AFTPH: variants seen among roughly 807,000 people sequenced by gnomAD.
AFTPH encodes the protein aftiphilin, also known as aftiphilin protein.
In AFTPH, 7 loss-of-function variants were observed where a neutral mutation model predicts 72.5. The observed-to-expected ratio is 0.10, with a 90% CI of 0.05 to 0.18. The LOEUF (loss-of-function observed/expected upper bound fraction) is 0.18, where lower values mean the gene tolerates loss of function less well. AFTPH is among the 10% of genes least tolerant of loss of function. The pLI, the probability that AFTPH is intolerant of heterozygous loss-of-function variation, is 1.00. For missense variants in AFTPH, 979 were observed against 1,060.5 expected (o/e 0.92, Z 1.07); for synonymous variants, 337 against 370.1 (o/e 0.91, Z 1.03).
intron 1 of AFTPH, among the ~76,000 whole-genome samples, chr2:64,526,605 C>T (rs1230897651): frequency 6.6e-6 from 1 of 152,122 alleles, no homozygotes; most frequent in Non-Finnish European, 1.5e-5. Flanking sequence ...CTAGCCGGAA[C>T]TTTATAAGTA....
intron 2 of AFTPH, among the ~76,000 whole-genome samples, 182 bp from the exon 3 acceptor site, chr2:64,567,375 TTTAAA>T (rs1179022616): frequency 6.6e-6 from 1 of 152,228 alleles, no homozygotes; most frequent in African/African-American, 2.4e-5. Context: ...ATCATCATCA[TTTAAA>T]TTAATCATTT....
At chr2:64,567,990 G>C (rs1168000993) in intron 3 of AFTPH, among the ~76,000 whole-genome samples, 1 of 151,336 alleles carries the variant, frequency 6.6e-6, no homozygotes, top group Non-Finnish European at 1.5e-5. Context: ...AGGTTGCAGT[G>C]AGCCAAGATC....
At chr2:64,578,100 C>T (rs576821394) in intron 6 of AFTPH, among the ~76,000 whole-genome samples, 2 of 152,220 alleles carry the variant, frequency 1.3e-5, no homozygotes, top group South Asian at 2.1e-4. Flanking sequence ...CAGGCTGGAC[C>T]TGATTTTTGG....
At chr2:64,577,893 A>G (rs1313539408) in intron 6 of AFTPH, among the ~76,000 whole-genome samples, 1 of 152,240 alleles carries the variant, frequency 6.6e-6, no homozygotes, top group Non-Finnish European at 1.5e-5. Context: ...TGACATTGGT[A>G]CAATATGTGT....
At chr2:64,587,950 T>A (rs932410547) in intron 8 of AFTPH, among the ~76,000 whole-genome samples, 1 of 152,240 alleles carries the variant, frequency 6.6e-6, no homozygotes, top group Non-Finnish European at 1.5e-5. Flanking sequence ...TATTCTTTTT[T>A]AGGCCTTTTT....
intron 1 of AFTPH, among the ~76,000 whole-genome samples, chr2:64,537,811 T>C (rs1174184519): frequency 6.6e-6 from 1 of 152,216 alleles, no homozygotes; most frequent in Non-Finnish European, 1.5e-5. Context: ...TTTTATCAAA[T>C]ACTTGGTTCG....
intron 2 of AFTPH, among the ~76,000 whole-genome samples, chr2:64,558,933 A>G (rs956948997): frequency 2.6e-5 from 4 of 152,124 alleles, no homozygotes; most frequent in African/African-American, 9.7e-5. Flanking sequence ...TAATGTACAC[A>G]TCTTTAGGAT....
At chr2:64,580,397 G>GAATT (rs1172881769) in intron 7 of AFTPH, 1 of 152,582 alleles carries the variant, frequency 6.6e-6, no homozygotes, top group Non-Finnish European at 1.5e-5. Flanking sequence ...GCATCCAATT[G>GAATT]AATTAATATA....
At position 64,535,358 on chromosome 2, in the gene AFTPH, C is replaced by T. The variant is rs151162788; in HGVS notation, c.-33+10746C>T. 5.6e-3 allele frequency among the ~76,000 whole-genome samples: 859 copies of T among 152,204 alleles called. 6 individuals are homozygous for T. The highest frequency in any genetic ancestry group is 0.014 in the Admixed American group (209 of 15,280). On this transcript the variant is annotated intron_variant, in intron 1 of 8. Coordinates refer to ENST00000238856, the Ensembl canonical transcript of AFTPH. Reference sequence around the variant, plus strand: ...ATTAGAGAAAAAAGTTAATAGAAAGCTAAGGTTGAGAACCTATTAGGGGAA... The same window carrying T: ...ATTAGAGAAAAAAGTTAATAGAAAGTTAAGGTTGAGAACCTATTAGGGGAA...
chr2:64,549,558 C>CAA (rs552241034), intron 1 of AFTPH, among the ~76,000 whole-genome samples: 99 of 151,836 alleles, frequency 6.5e-4, no homozygotes, highest in African/African-American at 2.4e-3. Flanking sequence ...TGACCTCAAG[C>CAA]AATCTGCCCA....
intron 1 of AFTPH, among the ~76,000 whole-genome samples, chr2:64,527,898 A>AG (rs1034728672): frequency 8.5e-5 from 13 of 152,242 alleles, no homozygotes; most frequent in African/African-American, 3.1e-4. Flanking sequence ...AGGGGCTCAT[A>AG]GGTCTGTGGA....
chr2:64,576,439 T>A (rs1672805761), intron 6 of AFTPH, among the ~76,000 whole-genome samples: 2 of 152,126 alleles, frequency 1.3e-5, no homozygotes, highest in African/African-American at 2.4e-5. Context: ...ATCTTATAAC[T>A]ATTGCATCTC....
intron 1 of AFTPH, among the ~76,000 whole-genome samples, chr2:64,545,234 A>G (rs1406839237): frequency 2.0e-5 from 3 of 152,038 alleles, no homozygotes; most frequent in African/African-American, 2.4e-5. Context: ...TGGTACAGCT[A>G]CTCTGGAAAA....
At chr2:64,541,014 T>G (rs993229298) in intron 1 of AFTPH, among the ~76,000 whole-genome samples, 1 of 152,168 alleles carries the variant, frequency 6.6e-6, no homozygotes, top group Non-Finnish European at 1.5e-5. Context: ...TTAAGACACT[T>G]ATAAAATGTT....
chr2:64,575,355 G>A (rs1031437825), intron 6 of AFTPH, among the ~76,000 whole-genome samples: 1 of 152,106 alleles, frequency 6.6e-6, no homozygotes, highest in South Asian at 2.1e-4. Context: ...AGCAGGCTTG[G>A]TGGCTCATGC....
At chr2:64,587,386 CG>C (rs1265957063) in intron 8 of AFTPH, among the ~76,000 whole-genome samples, 8 of 152,108 alleles carry the variant, frequency 5.3e-5, no homozygotes, top group Admixed American at 4.6e-4. Context: ...TACAAATGCC[CG>C]CAAGTCTTAA....
At chr2:64,585,382 T>C (rs1485950030) in intron 7 of AFTPH, 40 bp from the exon 9 acceptor site, 6 of 1,611,288 alleles carry the variant, frequency 3.7e-6, no homozygotes, top group South Asian at 1.1e-5. Context: ...GGGTAACCCA[T>C]TGCAGCCTGC....
exon 2 of AFTPH, chr2:64,552,130 A>G: frequency 6.2e-7 from 1 of 1,614,136 alleles, no homozygotes; most frequent in African/African-American, 1.3e-5. Flanking sequence ...AGCACTGAGT[A>G]TAATTTAGAC....
chr2:64,579,600 A>G, intron 7 of AFTPH, 54 bp downstream of exon 7: 4 of 1,479,162 alleles, frequency 2.7e-6, no homozygotes, highest in South Asian at 1.2e-5. Context: ...GAAAGCTACA[A>G]AGTTCAGACA....
Sources: gnomAD v4.1 joint callset for allele counts (sites outside exome capture counted in the v4.1 genomes callset) on GRCh38, gnomAD v4.1.1 for gene constraint, MANE v1.5 for transcripts, NCBI Gene and HGNC (gene_info 2026-07-23, HGNC 2026-07-21) for gene names.